The following LYST variants were observed in gnomAD, a reference collection of about 807,000 sequenced individuals.
LYST encodes the protein lysosomal-trafficking regulator.
LYST carries 192 observed loss-of-function variants against 413.6 expected under a neutral mutation model. The ratio of observed to expected loss-of-function variants is 0.46; its 90% CI spans 0.41 to 0.52. The LOEUF (loss-of-function observed/expected upper bound fraction) is 0.52. Among genes scored for constraint, LYST ranks in the 20% least tolerant of loss-of-function variants. LYST has a pLI of 0.00. For missense variants in LYST, 3,815 were observed against 4,499.9 expected, an observed-to-expected ratio of 0.85 and a Z score of 4.35; for synonymous variants, 1,525 against 1,567.3, an observed-to-expected ratio of 0.97 and a Z score of 0.64.
intron 38 of LYST, 44 bp downstream of exon 38, chr1:235,728,032 A>C (rs377638927): frequency 5.8e-5 from 80 of 1,376,406 alleles, no homozygotes; most frequent in Middle Eastern, 1.8e-4. Flanking sequence ...CATTTTTGGA[A>C]TCTGTCTAGA....
At chr1:235,770,064 A>G in intron 20 of LYST, 96 bp downstream of exon 20, 1 of 1,136,172 alleles carries the variant, frequency 8.8e-7, no homozygotes, top group South Asian at 1.3e-5. Flanking sequence ...AAAAAGAAAA[A>G]AAGTCCCATT....
At chr1:235,726,218 T>A (rs1056452956) in intron 38 of LYST, among the ~76,000 whole-genome samples, 29 of 152,280 alleles carry the variant, frequency 1.9e-4, no homozygotes, top group African/African-American at 6.7e-4. Context: ...CCAAGAACTA[T>A]TTTATCCTAG....
chr1:235,729,673 T>A lies in LYST; in HGVS notation c.9045-16A>T. The stretch of plus-strand genomic sequence containing the variant: ...TCGATTCACTCTGTCAAAACATATT[T>A]AAAATTACTATGACTAAATGTTCTG... On this transcript the variant is annotated splice_polypyrimidine_tract_variant and intron_variant, in intron 36 of 52. Coordinates refer to ENST00000389793, the MANE Select transcript of LYST (RefSeq NM_000081.4). 6.4e-7 allele frequency: 1 copy of A among 1,557,152 alleles called. No homozygotes were observed. Among genetic ancestry groups the A allele is most frequent in the Non-Finnish European group, 8.9e-7 (1 of 1,128,540 alleles).
chr1:235,761,217 T>C (rs1280332761), intron 22 of LYST, among the ~76,000 whole-genome samples: 1 of 152,208 alleles, frequency 6.6e-6, no homozygotes, highest in Non-Finnish European at 1.5e-5. Context: ...AAAACAAAAC[T>C]AGAGACTAAT....
At chr1:235,837,449 GA>G (rs1390570418) in intron 1 of LYST, among the ~76,000 whole-genome samples, 1 of 151,956 alleles carries the variant, frequency 6.6e-6, no homozygotes, top group Non-Finnish European at 1.5e-5. Flanking sequence ...GCAACATGGC[GA>G]AATCCCATCT....
chr1:235,677,281 T>TAG, intron 49 of LYST, 93 bp from the exon 50 acceptor site: 1 of 1,094,398 alleles, frequency 9.1e-7, no homozygotes, highest in Non-Finnish European at 1.4e-6. Flanking sequence ...ATGTACCTAT[T>TAG]GTACATAAGG....
chr1:235,698,765 C>T (rs1349634922), intron 45 of LYST, among the ~76,000 whole-genome samples: 2 of 151,884 alleles, frequency 1.3e-5, no homozygotes, highest in Non-Finnish European at 2.9e-5. Flanking sequence ...CCCAGCTGCT[C>T]GGGAGGCTGA....
chr1:235,698,838 A>T (rs772156213), intron 45 of LYST, among the ~76,000 whole-genome samples: 4 of 152,172 alleles, frequency 2.6e-5, no homozygotes, highest in Non-Finnish European at 5.9e-5. Flanking sequence ...ACGCCACTGC[A>T]CTTCAGTCTG....
chr1:235,872,451 C>T (rs982670761), intron 1 of LYST, among the ~76,000 whole-genome samples: 2 of 152,100 alleles, frequency 1.3e-5, no homozygotes, highest in South Asian at 2.1e-4. Context: ...AGTTTGATCT[C>T]GTGGTAATAG....
chr1:235,670,766 A>C (rs1658872503), intron 50 of LYST, among the ~76,000 whole-genome samples: 1 of 152,198 alleles, frequency 6.6e-6, no homozygotes, highest in Non-Finnish European at 1.5e-5. Context: ...GAGTAAAGTA[A>C]AGGAGTGCAA....
intron 31 of LYST, chr1:235,737,954 G>A: frequency 7.9e-7 from 1 of 1,269,868 alleles, no homozygotes; most frequent in South Asian, 2.6e-5. Context: ...ACACCCGCCG[G>A]ACGTGCATTC....
chr1:235,677,409 TTATC>T lies in LYST; in HGVS notation c.10940+67_10940+70del, dbSNP rs376253923. The T allele has an allele frequency of 6.8e-5, 102 of 1,492,106 alleles. No individual in the cohort carries two copies. The South Asian group carries it at 1.0e-3, about 15-fold the overall frequency. 92.4% of individuals were successfully genotyped at this position (1,492,106 alleles called of 1,614,324 possible). ...TATAACGTAAAGACATTATTTTGGT[TTATC>T]TATTTCATATAGTAAAAATGGATAT... On this transcript the variant is annotated intron_variant, in intron 49 of 52. Transcript: ENST00000389793.
At chr1:235,865,673 A>G (rs948101699) in intron 1 of LYST, among the ~76,000 whole-genome samples, 2 of 152,254 alleles carry the variant, frequency 1.3e-5, no homozygotes, top group African/African-American at 4.8e-5. Flanking sequence ...AAAGCTCTTT[A>G]AAACAGATAC....
At chr1:235,789,396 A>G (rs1670768931) in intron 12 of LYST, among the ~76,000 whole-genome samples, 1 of 152,192 alleles carries the variant, frequency 6.6e-6, no homozygotes, top group Non-Finnish European at 1.5e-5. Context: ...ATGTTTCTTT[A>G]AGGCAAGCTA....
intron 36 of LYST, 83 bp from the exon 37 acceptor site, chr1:235,729,740 G>C: frequency 1.0e-6 from 1 of 985,458 alleles, no homozygotes; most frequent in Non-Finnish European, 1.6e-6. Context: ...CCTAGTAAAA[G>C]ATTTCTGCAA....
In LYST at chr1:235,788,688, G is replaced by A. The variant is rs1572260767; in HGVS notation, c.4688+13C>T. The A allele has an allele frequency of 6.2e-7, 1 of 1,612,192 alleles. No homozygotes were observed. The highest frequency in any genetic ancestry group is 1.3e-5 in the African/African-American group (1 of 74,980). On this transcript the variant is annotated intron_variant, in intron 13 of 52. Transcript: ENST00000389793. The stretch of plus-strand genomic sequence containing the variant: ...ACATTATCTATTCATGGGAGGCTGA[G>A]GATAATCAATACCGAAAGATAAGAG...
At chr1:235,783,362 A>G (rs778751259) in intron 14 of LYST, among the ~76,000 whole-genome samples, 43 of 152,014 alleles carry the variant, frequency 2.8e-4, no homozygotes, top group Non-Finnish European at 1.2e-4. Context: ...CTGAAACTCT[A>G]TTGCCATCTA....
intron 1 of LYST, among the ~76,000 whole-genome samples, chr1:235,864,660 A>C (rs150026506): frequency 3.3e-4 from 50 of 152,366 alleles, no homozygotes; most frequent in African/African-American, 1.1e-3. Flanking sequence ...GGCCGAGCGC[A>C]GTGGCTCACG....
chr1:235,804,120 A>C (rs1465969610), intron 7 of LYST, among the ~76,000 whole-genome samples: 1 of 152,202 alleles, frequency 6.6e-6, no homozygotes. Flanking sequence ...TGGAAATATT[A>C]GCTATACCAC....
Sources: allele counts gnomAD v4.1 joint callset (sites outside exome capture counted in the v4.1 genomes callset), GRCh38; gene constraint gnomAD v4.1.1; transcripts MANE v1.5; gene names NCBI Gene and HGNC (gene_info 2026-07-23, HGNC 2026-07-21).